SENP8: variants seen among roughly 807,000 people sequenced by gnomAD.
The protein encoded by SENP8 is sentrin-specific protease 8.
Under a neutral mutation model 14.4 loss-of-function variants are expected in SENP8, and 10 were observed. The observed-to-expected ratio is 0.69, with a 90% CI of 0.43 to 1.18. The LOEUF (loss-of-function observed/expected upper bound fraction) is 1.18, where lower values mean the gene tolerates loss of function less well. Among genes scored for constraint, SENP8 ranks in the 50% most tolerant of loss-of-function variants. The pLI is 0.00. For missense variants in SENP8, 202 were observed against 249.4 expected (o/e 0.81, Z 1.28); for synonymous variants, 94 against 95.5 (o/e 0.98, Z 0.09).
chr15:72,123,541 CT>C (rs71438550), intron 1 of SENP8, among the ~76,000 whole-genome samples: 2,269 of 140,690 alleles, frequency 0.016, 18 homozygotes, highest in East Asian at 0.028. Context: ...ACAAATGGAA[CT>C]TTTTTTTTTT....
intron 1 of SENP8, among the ~76,000 whole-genome samples, chr15:72,119,622 C>T (rs1439741932): frequency 2.0e-5 from 3 of 152,170 alleles, no homozygotes; most frequent in Non-Finnish European, 4.4e-5. Flanking sequence ...GTAGCAGGCG[C>T]CTGTAGTCCC....
chr15:72,131,209 A>G (rs556628810), intron 1 of SENP8, among the ~76,000 whole-genome samples: 1 of 152,326 alleles, frequency 6.6e-6, no homozygotes, highest in African/African-American at 2.4e-5. Context: ...ATCTCTTAAA[A>G]TAATTTTTTT....
rs776731225 is a variant in SENP8, at chr15:72,140,185, C to T, written c.562C>T (p.Gln188Ter). The change falls in exon 2 of 2, where the codon CAG becomes TAG. Residue 188 changes from glutamine to a stop codon, truncating the protein, a stop_gained. Coordinates refer to ENST00000340912, the MANE Select transcript of SENP8 (RefSeq NM_145204.4). LOFTEE classifies it high-confidence loss of function. Reference protein sequence around the residue: ...FFRQQTESLLQLLTPAYITKK... With the variant: ...FFRQQTESLL Reference sequence around the variant, plus strand: ...TAGGCAACAGACAGAATCACTGCTGCAGCTACTCACCCCTGCATACATCAC... The same window carrying T: ...TAGGCAACAGACAGAATCACTGCTGTAGCTACTCACCCCTGCATACATCAC... The T allele has an allele frequency of 6.2e-7, 1 of 1,614,156 alleles. No individual in the cohort carries two copies.
At chr15:72,124,976 A>G (rs1282784288) in intron 1 of SENP8, among the ~76,000 whole-genome samples, 1 of 152,152 alleles carries the variant, frequency 6.6e-6, no homozygotes, top group African/African-American at 2.4e-5. Context: ...TGTATTGACA[A>G]TATTATATTT....
chr15:72,132,647 ATAAT>A (rs2081285365), intron 1 of SENP8, among the ~76,000 whole-genome samples: 3 of 147,154 alleles, frequency 2.0e-5, no homozygotes, highest in Non-Finnish European at 3.0e-5. Flanking sequence ...AGACCATTTC[ATAAT>A]TCTTTTTTTT....
Position 72,139,799 on chromosome 15 carries a change from C to T in SENP8, c.176C>T (p.Thr59Ile). 1 of 1,614,154 alleles carries T rather than the reference C, an allele frequency of 6.2e-7. No individual in the cohort carries two copies. Among genetic ancestry groups the T allele is most frequent in the South Asian group, 1.1e-5 (1 of 91,088 alleles). ...GTCAGTTTCATCAGCCCTGAAGTCACCCAGTTCATCAAGTGCACTAGCAAC... is the reference window on the plus strand; with the variant it reads ...GTCAGTTTCATCAGCCCTGAAGTCATCCAGTTCATCAAGTGCACTAGCAAC... ...DHVSFISPEV[T>I]QFIKCTSNPA... The change falls in exon 2 of 2, where the codon ACC (threonine) becomes ATC (isoleucine). Residue 59 changes from threonine (T) to isoleucine (I), a missense_variant. Transcript: ENST00000340912.
chr15:72,139,226 A>G (rs2081356651), intron 1 of SENP8: 1 of 166,748 alleles, frequency 6.0e-6, no homozygotes, highest in Admixed American at 5.9e-5. Flanking sequence ...TTTTTAATGT[A>G]TTATAAACTG....
chr15:72,124,593 A>G (rs543996525), intron 1 of SENP8, among the ~76,000 whole-genome samples: 1 of 152,320 alleles, frequency 6.6e-6, no homozygotes, highest in Non-Finnish European at 1.5e-5. Context: ...ATTTTTAAAT[A>G]TTTGTGTTTG....
chr15:72,137,279 A>G (rs966793946), intron 1 of SENP8, among the ~76,000 whole-genome samples: 1 of 118,414 alleles, frequency 8.4e-6, no homozygotes, highest in Non-Finnish European at 1.8e-5. Flanking sequence ...TTTATATGCC[A>G]TCTGTAAAAA....
upstream of SENP8, chr15:72,118,171 A>G (rs555154764): frequency 2.5e-5 from 9 of 359,734 alleles, no homozygotes; most frequent in Admixed American, 1.4e-4. Context: ...CACGCCCCCT[A>G]CTGCCAGCAC....
At chr15:72,134,797 TC>T in intron 1 of SENP8, 1 of 282,706 alleles carries the variant, frequency 3.5e-6, no homozygotes. Context: ...AAAAGGAATG[TC>T]CCAGAAGTGT....
At chr15:72,134,985 G>C in intron 1 of SENP8, 2 of 312,888 alleles carry the variant, frequency 6.4e-6, no homozygotes, top group Non-Finnish European at 6.3e-6. Flanking sequence ...AGAAAAAGAA[G>C]GAAGCCAAAG....
upstream of SENP8, chr15:72,118,088 GACCCCGCGCACGCGGCCCC>G (rs917790386): frequency 1.5e-5 from 6 of 392,966 alleles, no homozygotes; most frequent in Non-Finnish European, 2.2e-5. Context: ...GCGCGCCCCC[GACCCCGCGCACGCGGCCCC>G]GCCCCGCGCG....
intron 1 of SENP8, among the ~76,000 whole-genome samples, chr15:72,123,756 TC>T (rs1279161550): frequency 1.3e-5 from 2 of 152,178 alleles, no homozygotes; most frequent in African/African-American, 2.4e-5. Context: ...GTCAGGCTGA[TC>T]TAGAACGCCC....
chr15:72,136,682 A>G (rs552409497), intron 1 of SENP8, among the ~76,000 whole-genome samples: 1 of 152,354 alleles, frequency 6.6e-6, no homozygotes, highest in South Asian at 2.1e-4. Context: ...ATTGCTTAAT[A>G]GTGTAGACAA....
rs374521353 is a variant in SENP8 at position 72,140,295 on chromosome 15, C to T, written c.*33C>T. On this transcript the variant is annotated 3_prime_UTR_variant, in exon 2 of 2. Coordinates refer to ENST00000340912, the MANE Select transcript of SENP8 (RefSeq NM_145204.4). ...AGTATATTTGCGACTTTTGAAGGCT[C>T]CTCTTTCTGCCCTTCCCCATTTGTT... The T allele has an allele frequency of 6.8e-7, 1 of 1,468,458 alleles. No individual in the cohort carries two copies. The highest frequency in any genetic ancestry group is 1.4e-5 in the African/African-American group (1 of 72,106). The allele number at this position is 1,468,458 out of a possible 1,614,324, so 91.0% of individuals were successfully genotyped here.
At chr15:72,118,140 G>T, upstream of SENP8, 1 of 377,682 alleles carries the variant, frequency 2.6e-6, no homozygotes, top group South Asian at 1.4e-4. Flanking sequence ...CAGGCGAGCA[G>T]GCGCGCGCGC....
intron 1 of SENP8, among the ~76,000 whole-genome samples, chr15:72,123,767 C>T (rs922587697): frequency 1.3e-5 from 2 of 152,068 alleles, no homozygotes; most frequent in Non-Finnish European, 2.9e-5. Flanking sequence ...CTAGAACGCC[C>T]GACCTCAGGT....
At chr15:72,117,589 G>A (rs939362547), upstream of SENP8, 33 of 386,378 alleles carry the variant, frequency 8.5e-5, no homozygotes, top group South Asian at 1.7e-3. Context: ...CGCTGGGACG[G>A]GGCGGGGCGG....
Sources: gnomAD v4.1 joint callset for allele counts (sites outside exome capture counted in the v4.1 genomes callset) on GRCh38, gnomAD v4.1.1 for gene constraint, MANE v1.5 for transcripts, NCBI Gene and HGNC (gene_info 2026-07-23, HGNC 2026-07-21) for gene names.